Variants in DHX33 observed in about 807,000 individuals in gnomAD.
DHX33 encodes the protein ATP-dependent RNA helicase DHX33.
A neutral mutation model predicts 72.5 loss-of-function variants in DHX33; 42 were observed. That is an observed-to-expected ratio of 0.58 (90% CI 0.45 to 0.75). The LOEUF is 0.75. Among genes scored for constraint, DHX33 ranks in the 30% least tolerant of loss-of-function variants. DHX33 has a pLI of 0.00. For synonymous variants in DHX33, 358 were observed against 366.1 expected (o/e 0.98, Z 0.25); for missense variants, 842 against 917.5 (o/e 0.92, Z 1.06).
chr17:5,460,000 C>G (rs560587740), intron 4 of DHX33, among the ~76,000 whole-genome samples: 3 of 141,838 alleles, frequency 2.1e-5, no homozygotes, highest in South Asian at 4.3e-4. Flanking sequence ...TACGGGGTTG[C>G]AAAAGAAAAA....
chr17:5,468,456 G>A (rs1175546320), intron 1 of DHX33, 115 bp downstream of exon 1: 2 of 1,327,428 alleles, frequency 1.5e-6, no homozygotes, highest in African/African-American at 3.0e-5. Context: ...CCCAGAAAAG[G>A]TATTCAGGTT....
intron 1 of DHX33, among the ~76,000 whole-genome samples, chr17:5,467,484 C>G (rs1597366433): frequency 6.6e-6 from 1 of 152,172 alleles, no homozygotes; most frequent in African/African-American, 2.4e-5. Context: ...TAATAAAAAA[C>G]CGCCTAAATC....
chr17:5,463,704 G>GAAAA lies in DHX33; in HGVS notation c.290-19_290-16dup. On this transcript the variant is annotated splice_polypyrimidine_tract_variant and intron_variant, in intron 1 of 11. Coordinates refer to ENST00000225296, the MANE Select transcript of DHX33 (RefSeq NM_020162.4). ...GCCAGTTTCCCCTAGGAGAGAGGGG[G>GAAAA]AAAAAAAAAAAAGGCTCACTGAAAT... The GAAAA allele has an allele frequency of 7.4e-7, 1 of 1,346,740 alleles. No homozygotes were observed. Among genetic ancestry groups the GAAAA allele is most frequent in the Non-Finnish European group, 1.0e-6 (1 of 991,318 alleles). 83.4% of individuals were successfully genotyped at this position (1,346,740 alleles called of 1,614,324 possible).
At chr17:5,457,694 T>A (rs1274818197) in intron 4 of DHX33, among the ~76,000 whole-genome samples, 2 of 150,700 alleles carry the variant, frequency 1.3e-5, no homozygotes, top group South Asian at 4.2e-4. Flanking sequence ...TATGTAAAAA[T>A]ACGTATTTTT....
In DHX33 at chr17:5,443,769, T is replaced by C. The variant is rs896645678; in HGVS notation, c.*436A>G. The C allele has an allele frequency of 6.2e-6, 1 of 161,736 alleles. No homozygotes were observed. Among genetic ancestry groups the C allele is most frequent in the Non-Finnish European group, 1.4e-5 (1 of 73,856 alleles). The allele number at this position is 161,736 out of a possible 1,614,324, so 10.0% of individuals were successfully genotyped here. A position where few individuals can be genotyped will look rare whatever the true frequency, so the allele number is the denominator to read the frequency against. On this transcript the variant is annotated 3_prime_UTR_variant, in exon 12 of 12. Coordinates refer to ENST00000225296, the MANE Select transcript of DHX33 (RefSeq NM_020162.4). ...ACAAGAACTTGGGATATTGCTGTACTTCACATCATATGGCAAGCAGTAACA... is the reference window on the plus strand; with the variant it reads ...ACAAGAACTTGGGATATTGCTGTACCTCACATCATATGGCAAGCAGTAACA...
intron 8 of DHX33, among the ~76,000 whole-genome samples, chr17:5,451,330 C>T (rs1171038961): frequency 6.6e-6 from 1 of 152,210 alleles, no homozygotes; most frequent in Admixed American, 6.5e-5. Flanking sequence ...GTCTCAAACT[C>T]TTGACCTCAG....
chr17:5,453,295 G>T (rs906661397), intron 8 of DHX33, among the ~76,000 whole-genome samples: 1 of 152,066 alleles, frequency 6.6e-6, no homozygotes, highest in East Asian at 1.9e-4. Context: ...AGGCTGAGGC[G>T]GGGGGATCGC....
intron 10 of DHX33, among the ~76,000 whole-genome samples, chr17:5,449,378 T>C (rs571278339): frequency 6.6e-6 from 1 of 152,190 alleles, no homozygotes; most frequent in African/African-American, 2.4e-5. Context: ...ACAAAGGATA[T>C]GAACAGACAC....
chr17:5,446,555 A>C (rs539172218), intron 11 of DHX33, among the ~76,000 whole-genome samples: 1 of 152,344 alleles, frequency 6.6e-6, no homozygotes, highest in East Asian at 1.9e-4. Flanking sequence ...AGAAATGAGG[A>C]GTTTAAATAA....
intron 11 of DHX33, among the ~76,000 whole-genome samples, chr17:5,447,578 C>T (rs937761407): frequency 2.6e-5 from 4 of 151,238 alleles, no homozygotes; most frequent in African/African-American, 9.7e-5. Flanking sequence ...GAGCCAAGAT[C>T]GCGCCACTGC....
chr17:5,468,423 T>C (rs1005798580), intron 1 of DHX33, 148 bp downstream of exon 1: 4 of 1,118,086 alleles, frequency 3.6e-6, no homozygotes, highest in Non-Finnish European at 5.0e-6. Flanking sequence ...GGACTCTTCT[T>C]CGAGGCCCCT....
At position 5,468,953 on chromosome 17, in the gene DHX33, G is replaced by A; in HGVS notation, c.-94C>T. 7 of 1,240,498 alleles carry A rather than the reference G, an allele frequency of 5.6e-6. No individual in the cohort carries two copies. Among genetic ancestry groups the A allele is most frequent in the Non-Finnish European group, 6.7e-6 (6 of 897,112 alleles). 76.8% of individuals were successfully genotyped at this position (1,240,498 alleles called of 1,614,324 possible). ...AGGAGCACACCGCCCCTTCCTCGCC[G>A]CCACGTGCTGGCGGCTCCCGGCGAC... On this transcript the variant is annotated 5_prime_UTR_variant, in exon 1 of 12. Transcript: ENST00000225296.
At chr17:5,453,505 T>G in intron 8 of DHX33, 75 bp downstream of exon 8, 1 of 1,201,712 alleles carries the variant, frequency 8.3e-7, no homozygotes, top group Non-Finnish European at 1.2e-6. Flanking sequence ...CAATATACTT[T>G]ATTTTTTTGG....
intron 1 of DHX33, among the ~76,000 whole-genome samples, chr17:5,468,335 T>A (rs1904969434): frequency 6.6e-6 from 1 of 152,198 alleles, no homozygotes. Flanking sequence ...TCTACCCTTT[T>A]ACGCGGAAGG....
intron 4 of DHX33, among the ~76,000 whole-genome samples, chr17:5,458,160 C>T (rs536601811): frequency 2.1e-4 from 32 of 152,138 alleles, no homozygotes; most frequent in Admixed American, 5.2e-4. Context: ...GGTCTCACCA[C>T]GGGAAAATGG....
intron 4 of DHX33, among the ~76,000 whole-genome samples, chr17:5,458,444 G>A (rs999379342): frequency 1.3e-5 from 2 of 152,212 alleles, no homozygotes; most frequent in African/African-American, 4.8e-5. Flanking sequence ...TATTGATACT[G>A]GACTCAGAAA....
Position 5,468,923 on chromosome 17 carries a change from A to G in DHX33, c.-64T>C, listed in dbSNP as rs756315989. 6.5e-7 allele frequency: 1 copy of G among 1,530,286 alleles called. No homozygotes were observed. Among genetic ancestry groups the G allele is most frequent in the East Asian group, 2.5e-5 (1 of 40,616 alleles). The allele number at this position is 1,530,286 out of a possible 1,614,324, so 94.8% of individuals were successfully genotyped here. A position where few individuals can be genotyped will look rare whatever the true frequency, so the allele number is the denominator to read the frequency against. On this transcript the variant is annotated 5_prime_UTR_variant, in exon 1 of 12. Coordinates refer to ENST00000225296, the MANE Select transcript of DHX33 (RefSeq NM_020162.4). ...AGCTCCTGCCCCCTCTCAGGTGCAG[A>G]CAACAGGAGCACACCGCCCCTTCCT...
intron 9 of DHX33, 67 bp downstream of exon 9, chr17:5,450,740 A>T (rs1916864823): frequency 6.2e-7 from 1 of 1,601,448 alleles, no homozygotes; most frequent in South Asian, 1.1e-5. Context: ...CACTGGGTAG[A>T]TGGTACTACT....
chr17:5,463,469 G>T, intron 2 of DHX33, 60 bp downstream of exon 2: 1 of 1,527,854 alleles, frequency 6.5e-7, no homozygotes, highest in Non-Finnish European at 8.9e-7. Flanking sequence ...AAAAGGCAGT[G>T]GGCATGGGGA....
Sources: allele counts gnomAD v4.1 joint callset (sites outside exome capture counted in the v4.1 genomes callset), GRCh38; gene constraint gnomAD v4.1.1; transcripts MANE v1.5; gene names NCBI Gene and HGNC (gene_info 2026-07-23, HGNC 2026-07-21).